ZNF804A: variants seen among roughly 807,000 people sequenced by gnomAD.
The protein encoded by ZNF804A is zinc finger protein 804A.
ZNF804A carries 2 observed loss-of-function variants against 16.5 expected under a neutral mutation model. That is an observed-to-expected ratio of 0.12 (90% CI 0.05 to 0.38). The LOEUF (loss-of-function observed/expected upper bound fraction) is 0.38, where lower values mean the gene tolerates loss of function less well. Ranked by LOEUF, ZNF804A falls within the 10% of genes least tolerant of loss-of-function variation. The pLI, the probability that ZNF804A is intolerant of heterozygous loss-of-function variation, is 0.99. For synonymous variants in ZNF804A, 534 were observed against 489.6 expected, an observed-to-expected ratio of 1.09 and a Z score of -1.20; for missense variants, 1,473 against 1,390.7, an observed-to-expected ratio of 1.06 and a Z score of -0.94.
At chr2:184,666,456 G>A (rs1692257209) in intron 1 of ZNF804A, among the ~76,000 whole-genome samples, 1 of 151,604 alleles carries the variant, frequency 6.6e-6, no homozygotes, top group African/African-American at 2.4e-5. Flanking sequence ...AAATACAGTA[G>A]GAATAACATA....
intron 1 of ZNF804A, among the ~76,000 whole-genome samples, chr2:184,618,399 T>C (rs989886809): frequency 6.6e-6 from 1 of 152,160 alleles, no homozygotes; most frequent in African/African-American, 2.4e-5. Context: ...TTAGATTATA[T>C]ACGCACGAAG....
chr2:184,630,107 C>T (rs1222888945), intron 1 of ZNF804A, among the ~76,000 whole-genome samples: 2 of 152,078 alleles, frequency 1.3e-5, no homozygotes, highest in Non-Finnish European at 2.9e-5. Flanking sequence ...CAGTCTCTCA[C>T]TTTTAGCTAC....
At chr2:184,791,610 C>T (rs1197467965) in intron 1 of ZNF804A, among the ~76,000 whole-genome samples, 1 of 152,060 alleles carries the variant, frequency 6.6e-6, no homozygotes, top group East Asian at 1.9e-4. Context: ...CTTCCCCCAA[C>T]CTCACTCCCA....
intron 1 of ZNF804A, among the ~76,000 whole-genome samples, chr2:184,680,583 T>C (rs6755921): frequency 0.14 from 21,524 of 152,260 alleles, 1,638 homozygotes; most frequent in Middle Eastern, 0.23. Flanking sequence ...ATCAGAATGA[T>C]GTTCCTGTGG....
chr2:184,890,856 CAT>C (rs1315175742), intron 2 of ZNF804A, among the ~76,000 whole-genome samples: 2 of 150,366 alleles, frequency 1.3e-5, no homozygotes, highest in South Asian at 2.1e-4. Flanking sequence ...TTATATATAA[CAT>C]ATAGATTATT....
At chr2:184,713,744 T>A (rs1693171186) in intron 1 of ZNF804A, among the ~76,000 whole-genome samples, 1 of 151,998 alleles carries the variant, frequency 6.6e-6, no homozygotes, top group Non-Finnish European at 1.5e-5. Context: ...GATATTTCAT[T>A]AGTAACTACG....
chr2:184,603,935 C>G (rs1477871153), intron 1 of ZNF804A, among the ~76,000 whole-genome samples: 1 of 151,824 alleles, frequency 6.6e-6, no homozygotes, highest in Non-Finnish European at 1.5e-5. Flanking sequence ...ATTCTAGTAT[C>G]GAAAATAACT....
In ZNF804A at chr2:184,892,783, G is replaced by A. The variant is rs1685008028; in HGVS notation, c.255+26271G>A. 5.3e-5 allele frequency among the ~76,000 whole-genome samples: 8 copies of A among 152,072 alleles called. No homozygotes were observed. The South Asian group carries it at 8.3e-4, about 16-fold the overall frequency. ...CAGGTGTGAGCCACTGCACTCAGCT[G>A]TGTTCTTTATTTGAAAGCAAATATA... On this transcript the variant is annotated intron_variant, in intron 2 of 3. Coordinates refer to ENST00000302277, the MANE Select transcript of ZNF804A (RefSeq NM_194250.2).
intron 1 of ZNF804A, among the ~76,000 whole-genome samples, chr2:184,667,734 C>T (rs1015409381): frequency 5.9e-5 from 9 of 151,682 alleles, no homozygotes; most frequent in Non-Finnish European, 1.2e-4. Flanking sequence ...TAAATCTCAG[C>T]TTATTATCTG....
Position 184,939,039 on chromosome 2 carries a change from T to C in ZNF804A, c.*13T>C, listed in dbSNP as rs142431760. The C allele has an allele frequency of 1.3e-4, 213 of 1,607,172 alleles. No homozygotes were observed. In the African/African-American group the frequency reaches 2.6e-3, roughly 20 times the overall value. On this transcript the variant is annotated 3_prime_UTR_variant, in exon 4 of 4. Transcript: ENST00000302277. ...ACCTCTCTTCTAGTCATCACCATAA[T>C]GGGAAAAAAATACTCTTGTGAAAAC...
intron 2 of ZNF804A, among the ~76,000 whole-genome samples, chr2:184,928,848 T>C (rs890020201): frequency 3.9e-5 from 6 of 152,126 alleles, no homozygotes; most frequent in African/African-American, 1.2e-4. Flanking sequence ...CTCACAGTTG[T>C]TTCTCTCTCA....
At chr2:184,718,187 C>T (rs1201171811) in intron 1 of ZNF804A, among the ~76,000 whole-genome samples, 3 of 152,080 alleles carry the variant, frequency 2.0e-5, no homozygotes, top group East Asian at 1.9e-4. Flanking sequence ...GGGAAACTTA[C>T]GTTTTTAAAA....
In ZNF804A at chr2:184,625,063, A is replaced by G. The variant is rs528197821; in HGVS notation, c.111+25993A>G. On this transcript the variant is annotated intron_variant, in intron 1 of 3. Transcript: ENST00000302277. ...ACAAGGTACTCTTGGTATCACCAAA[A>G]CAATTTAATCTTTCAGAATTATGTC... Among the ~76,000 whole-genome samples the G allele has an allele frequency of 8.5e-4, 130 of 152,304 alleles. 1 individual carries two copies. Among genetic ancestry groups the G allele is most frequent in the Non-Finnish European group, 1.7e-3 (114 of 68,010 alleles).
At chr2:184,640,242 A>G (rs1691772868) in intron 1 of ZNF804A, among the ~76,000 whole-genome samples, 1 of 151,302 alleles carries the variant, frequency 6.6e-6, no homozygotes, top group Non-Finnish European at 1.5e-5. Context: ...AGGAGGAGGA[A>G]GAGGAGGAGG....
At chr2:184,833,055 A>G (rs1695290129) in intron 1 of ZNF804A, among the ~76,000 whole-genome samples, 1 of 152,038 alleles carries the variant, frequency 6.6e-6, no homozygotes, top group Admixed American at 6.6e-5. Context: ...ACTTAATTTC[A>G]TTAAATACTC....
At chr2:184,614,315 T>C (rs1012086036) in intron 1 of ZNF804A, among the ~76,000 whole-genome samples, 1 of 152,114 alleles carries the variant, frequency 6.6e-6, no homozygotes, top group African/African-American at 2.4e-5. Context: ...ACATAAGACC[T>C]AAAACCATAA....
intron 1 of ZNF804A, among the ~76,000 whole-genome samples, chr2:184,608,905 T>G (rs955335820): frequency 1.3e-5 from 2 of 152,182 alleles, no homozygotes; most frequent in Non-Finnish European, 2.9e-5. Context: ...TGGAGAGAGA[T>G]ACAGGGTAAA....
chr2:184,763,003 A>T (rs1199014390), intron 1 of ZNF804A, among the ~76,000 whole-genome samples: 2 of 152,198 alleles, frequency 1.3e-5, no homozygotes. Flanking sequence ...TTTAGTCATT[A>T]GAATATGTAA....
At chr2:184,855,615 T>C (rs12612393) in intron 1 of ZNF804A, among the ~76,000 whole-genome samples, 21,954 of 120,534 alleles carry the variant, frequency 0.18, 1,996 homozygotes, top group South Asian at 0.24. Context: ...TATATATATA[T>C]ACACACACAC....
Sources: gnomAD v4.1 joint callset for allele counts (sites outside exome capture counted in the v4.1 genomes callset) on GRCh38, gnomAD v4.1.1 for gene constraint, MANE v1.5 for transcripts, NCBI Gene and HGNC (gene_info 2026-07-23, HGNC 2026-07-21) for gene names.